The following ACYP2 variants were observed in gnomAD, a reference collection of about 807,000 sequenced individuals.
The protein encoded by ACYP2 is acylphosphatase 2.
Under a neutral mutation model 11.2 loss-of-function variants are expected in ACYP2, and 12 were observed. That is an observed-to-expected ratio of 1.08 (90% CI 0.69 to 1.74). The LOEUF (loss-of-function observed/expected upper bound fraction) is 1.74. Ranked by LOEUF, ACYP2 falls within the 40% of genes most tolerant of loss-of-function variation. ACYP2 has a pLI of 0.00. For synonymous variants in ACYP2, 43 were observed against 32.2 expected, an observed-to-expected ratio of 1.33 and a Z score of -1.13; for missense variants, 134 against 101.9, an observed-to-expected ratio of 1.31 and a Z score of -1.35.
At chr2:54,113,536 G>A (rs1374059741) in intron 4 of ACYP2, among the ~76,000 whole-genome samples, 1 of 151,986 alleles carries the variant, frequency 6.6e-6, no homozygotes, top group African/African-American at 2.4e-5. Context: ...GTGAGCCACC[G>A]TGCAGGCCAA....
chr2:54,012,862 A>C (rs1178373923), intron 2 of ACYP2, among the ~76,000 whole-genome samples: 2 of 151,940 alleles, frequency 1.3e-5, no homozygotes, highest in Admixed American at 6.6e-5. Context: ...TTCAGAGTGA[A>C]AGCTGGTGTT....
At chr2:54,086,064 C>T (rs1677930541) in intron 4 of ACYP2, among the ~76,000 whole-genome samples, 1 of 152,110 alleles carries the variant, frequency 6.6e-6, no homozygotes. Flanking sequence ...CTGACCCAGC[C>T]TCCAGAGTAG....
In ACYP2 at chr2:54,066,332, A is replaced by G. The variant is rs532639678; in HGVS notation, c.277+8972A>G. Among the ~76,000 whole-genome samples the G allele has an allele frequency of 3.3e-5, 5 of 152,326 alleles. No homozygotes were observed. The South Asian group carries it at 1.0e-3, about 32-fold the overall frequency. On this transcript the variant is annotated intron_variant, in intron 4 of 6. Coordinates refer to ENST00000607452, the MANE Select transcript of ACYP2 (RefSeq NM_001320586.2). ...CCTTGCTTCCCCTTCGCCTTCTGCC[A>G]TGATTGTAAGTTTCTTGAGGCCTCG...
chr2:54,055,244 C>G (rs1676077616), intron 3 of ACYP2, among the ~76,000 whole-genome samples: 1 of 152,052 alleles, frequency 6.6e-6, no homozygotes, highest in South Asian at 2.1e-4. Context: ...ACCATGTTGG[C>G]CAAGCTGGTC....
intron 6 of ACYP2, among the ~76,000 whole-genome samples, chr2:54,208,705 C>CTTT (rs58189502): frequency 5.3e-5 from 5 of 94,578 alleles, no homozygotes; most frequent in East Asian, 2.6e-4. Context: ...AAAAGGGAGA[C>CTTT]TTTTTTTTTT....
intron 4 of ACYP2, among the ~76,000 whole-genome samples, chr2:54,094,045 T>A (rs1678382383): frequency 1.3e-5 from 2 of 152,160 alleles, no homozygotes; most frequent in African/African-American, 4.8e-5. Context: ...TATGAAGAGC[T>A]GTCCTACTTA....
intron 4 of ACYP2, among the ~76,000 whole-genome samples, chr2:54,072,604 C>T (rs1184960699): frequency 6.8e-6 from 1 of 146,546 alleles, no homozygotes; most frequent in African/African-American, 2.5e-5. Context: ...ACTCTGTTGC[C>T]CAGGCTGGAG....
intron 4 of ACYP2, chr2:54,115,352 C>G: frequency 2.0e-6 from 1 of 505,870 alleles, no homozygotes; most frequent in South Asian, 3.3e-5. Context: ...TTTTTTTGGG[C>G]ACAGCATCCG....
chr2:54,086,560 T>C lies in ACYP2; in HGVS notation c.277+29200T>C, dbSNP rs1677958222. 3.3e-5 allele frequency among the ~76,000 whole-genome samples: 5 copies of C among 152,352 alleles called. No individual in the cohort carries two copies. The South Asian group carries it at 1.0e-3, about 32-fold the overall frequency. On this transcript the variant is annotated intron_variant, in intron 4 of 6. Coordinates refer to ENST00000607452, the MANE Select transcript of ACYP2 (RefSeq NM_001320586.2). Reference sequence around the variant, plus strand: ...CTCTTTTCTATATTTTGCTGCATCATTTATTATCATTTTGGTCTGAGAACC... The same window carrying C: ...CTCTTTTCTATATTTTGCTGCATCACTTATTATCATTTTGGTCTGAGAACC...
intron 2 of ACYP2, among the ~76,000 whole-genome samples, chr2:54,028,460 G>A (rs1298757132): frequency 6.6e-6 from 1 of 152,084 alleles, no homozygotes; most frequent in Admixed American, 6.6e-5. Context: ...TTTTCTCTCT[G>A]TAAACATGGG....
At chr2:54,199,726 T>A (rs1488076165) in intron 6 of ACYP2, among the ~76,000 whole-genome samples, 3 of 152,152 alleles carry the variant, frequency 2.0e-5, no homozygotes, top group Non-Finnish European at 4.4e-5. Context: ...AATACAGAGT[T>A]GTGAAGTTTG....
At chr2:54,239,949 A>C (rs1256318642) in intron 6 of ACYP2, among the ~76,000 whole-genome samples, 1 of 152,202 alleles carries the variant, frequency 6.6e-6, no homozygotes, top group Non-Finnish European at 1.5e-5. Flanking sequence ...GTAATCCCTA[A>C]ATTTAAAGTA....
At chr2:54,147,049 G>T (rs1452478743) in intron 6 of ACYP2, among the ~76,000 whole-genome samples, 1 of 152,090 alleles carries the variant, frequency 6.6e-6, no homozygotes, top group African/African-American at 2.4e-5. Context: ...GCCAGCCTCA[G>T]CCTCCCAAAG....
intron 6 of ACYP2, among the ~76,000 whole-genome samples, chr2:54,158,606 T>A (rs1419268439): frequency 6.6e-6 from 1 of 152,226 alleles, no homozygotes; most frequent in Non-Finnish European, 1.5e-5. Flanking sequence ...AGATATGTGC[T>A]ATTCCCCATA....
At chr2:53,998,233 A>T (rs563151161) in intron 2 of ACYP2, among the ~76,000 whole-genome samples, 7 of 152,200 alleles carry the variant, frequency 4.6e-5, no homozygotes, top group Non-Finnish European at 8.8e-5. Context: ...AGAAAGCAGA[A>T]GCCCATGTCC....
At chr2:54,267,716 C>T (rs1688100500) in intron 6 of ACYP2, among the ~76,000 whole-genome samples, 1 of 152,118 alleles carries the variant, frequency 6.6e-6, no homozygotes, top group Non-Finnish European at 1.5e-5. Flanking sequence ...TTTGTTTTTC[C>T]ACTTGTGGGT....
At position 54,255,596 on chromosome 2, in the gene ACYP2, C is replaced by G. The variant is rs202006037; in HGVS notation, c.405-49092C>G. The G allele has an allele frequency of 1.4e-4, 227 of 1,613,622 alleles. No homozygotes were observed. The highest frequency in any genetic ancestry group is 7.0e-4 in the Admixed American group (42 of 60,010). On this transcript the variant is annotated intron_variant, in intron 6 of 6. Coordinates refer to ENST00000607452, the MANE Select transcript of ACYP2 (RefSeq NM_001320586.2). ...CCGGGCCCGGGCCCAGGCCCTGCCT[C>G]CCTGTTTACCTCATCTATTGCTCTG...
chr2:53,985,002 T>A (rs1671960075), intron 2 of ACYP2, among the ~76,000 whole-genome samples: 1 of 151,866 alleles, frequency 6.6e-6, no homozygotes, highest in African/African-American at 2.4e-5. Flanking sequence ...AATAGATTGG[T>A]CCAGGTTACA....
At chr2:54,219,059 G>C (rs1685675180) in intron 6 of ACYP2, among the ~76,000 whole-genome samples, 1 of 152,084 alleles carries the variant, frequency 6.6e-6, no homozygotes, top group Non-Finnish European at 1.5e-5. Context: ...AAAGCCATTA[G>C]GATCTACAAG....
Sources: gnomAD v4.1 joint callset for allele counts (sites outside exome capture counted in the v4.1 genomes callset) on GRCh38, gnomAD v4.1.1 for gene constraint, MANE v1.5 for transcripts, NCBI Gene and HGNC (gene_info 2026-07-23, HGNC 2026-07-21) for gene names.